Variants in SOX6 observed in about 807,000 individuals in gnomAD.
SOX6 encodes transcription factor SOX-6.
SOX6 carries 11 observed loss-of-function variants against 97.8 expected under a neutral mutation model. The ratio of observed to expected loss-of-function variants is 0.11; its 90% CI spans 0.07 to 0.19. The LOEUF (loss-of-function observed/expected upper bound fraction) is 0.19. Ranked by LOEUF, SOX6 falls within the 10% of genes least tolerant of loss-of-function variation. The pLI is 1.00. For missense variants in SOX6, 810 were observed against 1,039.5 expected (o/e 0.78, Z 3.04); for synonymous variants, 360 against 371.4 (o/e 0.97, Z 0.35).
intron 10 of SOX6, among the ~76,000 whole-genome samples, chr11:16,051,793 C>T (rs1847692716): frequency 6.6e-6 from 1 of 152,084 alleles, no homozygotes; most frequent in Admixed American, 6.6e-5. Flanking sequence ...ATTACTTCTT[C>T]AAATACAATT....
intron 4 of SOX6, among the ~76,000 whole-genome samples, chr11:16,589,712 C>G (rs1447985858): frequency 2.6e-5 from 4 of 152,058 alleles, no homozygotes; most frequent in Admixed American, 2.6e-4. Flanking sequence ...TATCTAGTAT[C>G]ATTAACAATA....
intron 1 of SOX6, among the ~76,000 whole-genome samples, chr11:16,346,633 GA>G (rs1856784365): frequency 6.6e-6 from 1 of 152,006 alleles, no homozygotes; most frequent in Non-Finnish European, 1.5e-5. Flanking sequence ...AAATTCAGGT[GA>G]AAAGAAGGTA....
At chr11:16,383,724 T>C (rs1421557603) in intron 1 of SOX6, among the ~76,000 whole-genome samples, 1 of 151,994 alleles carries the variant, frequency 6.6e-6, no homozygotes, top group African/African-American at 2.4e-5. Context: ...CCTACATTAG[T>C]GCTGTACAAC....
chr11:16,241,734 T>C (rs1201061922), intron 3 of SOX6, among the ~76,000 whole-genome samples: 1 of 152,028 alleles, frequency 6.6e-6, no homozygotes, highest in Admixed American at 6.6e-5. Flanking sequence ...GGCTCTCTCA[T>C]GCTCAGGTTG....
chr11:16,586,317 G>A (rs913084324), intron 4 of SOX6, among the ~76,000 whole-genome samples: 16 of 152,046 alleles, frequency 1.1e-4, no homozygotes, highest in Non-Finnish European at 2.1e-4. Context: ...TAAGAGGTGG[G>A]GAGAAATTAA....
chr11:16,409,840 G>C (rs1032797211), intron 1 of SOX6, among the ~76,000 whole-genome samples: 3 of 132,400 alleles, frequency 2.3e-5, no homozygotes, highest in Non-Finnish European at 3.3e-5. Context: ...AAAAAAAAAA[G>C]CTTCAGGCTA....
At chr11:15,982,017 G>A (rs975636313) in intron 15 of SOX6, among the ~76,000 whole-genome samples, 21 of 151,994 alleles carry the variant, frequency 1.4e-4, no homozygotes, top group African/African-American at 4.8e-4. Context: ...AGGGCAAGGG[G>A]AGAGTTCAGA....
intron 2 of SOX6, among the ~76,000 whole-genome samples, chr11:16,715,309 A>G (rs1377374891): frequency 1.3e-5 from 2 of 152,226 alleles, no homozygotes; most frequent in Non-Finnish European, 2.9e-5. Context: ...TACATAACAT[A>G]TATTATAAAC....
Position 16,081,337 on chromosome 11 carries a change from AC to A in SOX6, c.1101+14658del, listed in dbSNP as rs573851840. 1.2e-3 allele frequency among the ~76,000 whole-genome samples: 179 copies of A among 152,056 alleles called. 3 individuals carry two copies. Among genetic ancestry groups the A allele is most frequent in the Admixed American group, 0.011 (163 of 15,242 alleles). On this transcript the variant is annotated intron_variant, in intron 9 of 15. Coordinates refer to ENST00000683767, the MANE Select transcript of SOX6 (RefSeq NM_001367873.1). ...CCACTTCTCTGGAAAAGGAGAAATC[AC>A]CCTTGGCTCTTCATGTAGGGAACAA...
intron 4 of SOX6, among the ~76,000 whole-genome samples, chr11:16,595,171 A>C (rs1848198172): frequency 6.6e-6 from 1 of 152,018 alleles, no homozygotes; most frequent in Non-Finnish European, 1.5e-5. Flanking sequence ...CTTTCTTTTT[A>C]ATGTAGAGAT....
At chr11:16,637,957 C>A (rs779877343) in intron 3 of SOX6, among the ~76,000 whole-genome samples, 8 of 150,616 alleles carry the variant, frequency 5.3e-5, no homozygotes, top group Non-Finnish European at 7.4e-5. Flanking sequence ...TACATGTGCA[C>A]AATGTGCAGG....
chr11:15,996,876 G>A (rs1364232078), intron 13 of SOX6, among the ~76,000 whole-genome samples: 1 of 152,090 alleles, frequency 6.6e-6, no homozygotes, highest in African/African-American at 2.4e-5. Flanking sequence ...TGATTTCTCT[G>A]AATGGATGAA....
upstream of SOX6, among the ~76,000 whole-genome samples, chr11:16,477,691 G>T (rs1006677542): frequency 2.0e-4 from 31 of 151,856 alleles, no homozygotes; most frequent in Admixed American, 1.6e-3. Flanking sequence ...TCTAAAAAAA[G>T]TTTTTTTTTA....
intron 1 of SOX6, among the ~76,000 whole-genome samples, chr11:16,397,989 A>G (rs932230887): frequency 3.3e-5 from 5 of 151,496 alleles, no homozygotes; most frequent in African/African-American, 1.2e-4. Flanking sequence ...TCCTCTCTCA[A>G]CAGTTGTAGT....
intron 4 of SOX6, among the ~76,000 whole-genome samples, chr11:16,490,457 T>C (rs1381089879): frequency 2.0e-5 from 3 of 152,082 alleles, no homozygotes; most frequent in South Asian, 2.1e-4. Flanking sequence ...TATTAATATA[T>C]ACTATGCCTT....
intron 9 of SOX6, among the ~76,000 whole-genome samples, chr11:16,057,673 C>A (rs977004301): frequency 3.9e-5 from 6 of 152,112 alleles, no homozygotes; most frequent in Non-Finnish European, 4.4e-5. Context: ...TTAACTGTCT[C>A]ATTTTGGTAC....
chr11:16,043,143 G>A (rs1855723387), intron 12 of SOX6, among the ~76,000 whole-genome samples: 1 of 152,126 alleles, frequency 6.6e-6, no homozygotes, highest in Non-Finnish European at 1.5e-5. Context: ...GTTATGTATT[G>A]TCATGACTAA....
chr11:16,507,623 C>T (rs1336418694), intron 4 of SOX6, among the ~76,000 whole-genome samples: 2 of 152,094 alleles, frequency 1.3e-5, no homozygotes, highest in Admixed American at 6.6e-5. Context: ...TATTTACAGC[C>T]AACTGATTTT....
intron 3 of SOX6, among the ~76,000 whole-genome samples, chr11:16,628,373 C>T (rs551652207): frequency 6.6e-6 from 1 of 152,166 alleles, no homozygotes; most frequent in Admixed American, 6.5e-5. Flanking sequence ...CCTGCAATCC[C>T]AGCACTTTAG....
Sources: allele counts gnomAD v4.1 joint callset (sites outside exome capture counted in the v4.1 genomes callset), GRCh38; gene constraint gnomAD v4.1.1; transcripts MANE v1.5; gene names NCBI Gene and HGNC (gene_info 2026-07-23, HGNC 2026-07-21).